The following SEM1 variants were observed in gnomAD, a reference collection of about 807,000 sequenced individuals.
The protein encoded by SEM1 is SEM1 26S proteasome subunit, also known as 26S proteasome complex subunit SEM1.
Under a neutral mutation model 12.7 loss-of-function variants are expected in SEM1, and 3 were observed. The observed-to-expected ratio is 0.24, with a 90% confidence interval of 0.11 to 0.61. SEM1 has a LOEUF of 0.61. SEM1 is among the 20% of genes least tolerant of loss of function. The pLI is 0.88. For missense variants in SEM1, 59 were observed against 81.3 expected, an observed-to-expected ratio of 0.73 and a Z score of 1.06; for synonymous variants, 30 against 27.8, an observed-to-expected ratio of 1.08 and a Z score of -0.25.
chr7:96,611,249 G>C (rs752602475), intron 2 of SEM1, among the ~76,000 whole-genome samples: 1 of 152,062 alleles, frequency 6.6e-6, no homozygotes, highest in African/African-American at 2.4e-5. Flanking sequence ...TGCTTTTCCC[G>C]CATGATGCCC....
chr7:96,607,998 G>A (rs990510861), intron 2 of SEM1, among the ~76,000 whole-genome samples: 1 of 152,202 alleles, frequency 6.6e-6, no homozygotes, highest in African/African-American at 2.4e-5. Flanking sequence ...ATAAGGAGGT[G>A]TACTTATAAA....
exon 4 of SEM1, chr7:96,483,840 C>T: frequency 1.3e-6 from 2 of 1,536,482 alleles, no homozygotes; most frequent in Non-Finnish European, 1.7e-6. Context: ...AGACTTCCAT[C>T]TCTGCTATTG....
intron 1 of SEM1, among the ~76,000 whole-genome samples, chr7:96,489,439 T>C (rs1209379527): frequency 6.6e-6 from 1 of 152,180 alleles, no homozygotes; most frequent in African/African-American, 2.4e-5. Context: ...CTGATGCTAA[T>C]GAAGACTTTG....
At chr7:96,571,463 C>A (rs1806026250) in intron 2 of SEM1, among the ~76,000 whole-genome samples, 1 of 151,740 alleles carries the variant, frequency 6.6e-6, no homozygotes, top group South Asian at 2.1e-4. Flanking sequence ...AATAGGGAAT[C>A]CTTTCCCCAT....
Position 96,606,508 on chromosome 7 carries a change from TG to T in SEM1, c.170+88289del, listed in dbSNP as rs538451511. 2.3e-3 allele frequency among the ~76,000 whole-genome samples: 347 copies of T among 152,228 alleles called. 1 individual carries two copies. Among genetic ancestry groups the T allele is most frequent in the African/African-American group, 8.1e-3 (335 of 41,528 alleles). On this transcript the variant is annotated intron_variant and NMD_transcript_variant, in intron 2 of 3. Coordinates refer to the SEM1 transcript ENST00000466986. ...TATGCCCACCTTTTTGGCAAGAAGA[TG>T]GGCCCACATCCATACACAACAGGCT...
intron 2 of SEM1, among the ~76,000 whole-genome samples, chr7:96,690,089 AC>A (rs67936212): frequency 0.028 from 4,241 of 152,326 alleles, 223 homozygotes; most frequent in African/African-American, 0.096. Context: ...AATGTTTCAT[AC>A]AAAAACTCTT....
chr7:96,553,999 CTGTTGTTG>C (rs1425365254), intron 2 of SEM1, among the ~76,000 whole-genome samples: 1 of 151,612 alleles, frequency 6.6e-6, no homozygotes, highest in East Asian at 1.9e-4. Flanking sequence ...CTCTGTTTGT[CTGTTGTTG>C]GTGTATAAGA....
At chr7:96,485,787 A>G (rs10281460) in intron 2 of SEM1, among the ~76,000 whole-genome samples, 121,021 of 151,832 alleles carry the variant, frequency 0.8, 48,500 homozygotes, top group African/African-American at 0.89. Flanking sequence ...TGATCTGTCC[A>G]CCTCGGCCTT....
At chr7:96,681,759 C>A (rs1789620270) in intron 2 of SEM1, among the ~76,000 whole-genome samples, 1 of 152,086 alleles carries the variant, frequency 6.6e-6, no homozygotes, top group Non-Finnish European at 1.5e-5. Flanking sequence ...TGTTTTGGTA[C>A]CAGTACCATG....
intron 2 of SEM1, among the ~76,000 whole-genome samples, chr7:96,659,056 G>A (rs1036208726): frequency 1.1e-4 from 16 of 152,180 alleles, no homozygotes; most frequent in African/African-American, 3.9e-4. Flanking sequence ...CATACCTGCA[G>A]AGGTGTACTG....
chr7:96,563,470 G>C (rs1202576361), intron 2 of SEM1, among the ~76,000 whole-genome samples: 1 of 152,050 alleles, frequency 6.6e-6, no homozygotes, highest in Non-Finnish European at 1.5e-5. Flanking sequence ...TATAAAATGA[G>C]ACCAGTCAAT....
At chr7:96,572,848 T>G (rs1253068862) in intron 2 of SEM1, among the ~76,000 whole-genome samples, 9 of 152,202 alleles carry the variant, frequency 5.9e-5, no homozygotes, top group Non-Finnish European at 1.3e-4. Context: ...GTTAATTTTC[T>G]GTCTCATTGA....
chr7:96,631,841 C>T (rs1343686666), intron 2 of SEM1, among the ~76,000 whole-genome samples: 1 of 152,050 alleles, frequency 6.6e-6, no homozygotes, highest in African/African-American at 2.4e-5. Flanking sequence ...CTACAAAGAA[C>T]TTAAACAAAT....
rs80008752 is a variant in SEM1 at position 96,681,399 on chromosome 7, T to C, written c.171-7540A>G. Among the ~76,000 whole-genome samples the C allele has an allele frequency of 6.5e-3, 993 of 152,204 alleles. 6 individuals are homozygous for C. The highest frequency in any genetic ancestry group is 0.011 in the South Asian group (53 of 4,830). On this transcript the variant is annotated intron_variant, in intron 2 of 2. Transcript: ENST00000413065. The stretch of plus-strand genomic sequence containing the variant: ...AGTAAATCCTAATAAGCAACAGTGA[T>C]AGTACTAATAATAGTAGTGGGAGTA...
At chr7:96,691,443 G>A (rs993280387) in intron 2 of SEM1, among the ~76,000 whole-genome samples, 1 of 152,224 alleles carries the variant, frequency 6.6e-6, no homozygotes, top group Non-Finnish European at 1.5e-5. Flanking sequence ...GAAAGGCTAA[G>A]TGAGTTGCCC....
chr7:96,570,033 A>T, intron 2 of SEM1, among the ~76,000 whole-genome samples: 1 of 152,024 alleles, frequency 6.6e-6, no homozygotes, highest in East Asian at 1.9e-4. Context: ...CCTTTTGGGT[A>T]TATACCCAGT....
In SEM1 at chr7:96,694,890, G is replaced by C. The variant is rs1440808586; in HGVS notation, c.78C>G (p.Asp26Glu). The change falls in exon 2 of 3, where the codon GAC becomes GAG. Residue 26 changes from aspartate (D) to glutamate (E), a missense_variant and splice_region_variant. Transcript: ENST00000248566. ...DDEFEEFPAE[D>E]WAGLDEDEDA... ...CTTCATCTTCATCTAAGCCAGCCCA[G>C]TCTAAAAATAGAAACAGATGCTGTC... The C allele has an allele frequency of 5.0e-6, 8 of 1,600,544 alleles. No homozygotes were observed. Among genetic ancestry groups the C allele is most frequent in the Non-Finnish European group, 6.8e-6 (8 of 1,169,492 alleles).
chr7:96,483,726 C>T, exon 4 of SEM1: 1 of 1,211,374 alleles, frequency 8.3e-7, no homozygotes, highest in Non-Finnish European at 1.2e-6. Flanking sequence ...CCCAGCCACA[C>T]AGAAAGCTAG....
chr7:96,709,394 G>GGACCAGTTAC (rs1790575955), intron 1 of SEM1, among the ~76,000 whole-genome samples: 1 of 152,190 alleles, frequency 6.6e-6, no homozygotes, highest in Admixed American at 6.5e-5. Flanking sequence ...AGTAACCCAG[G>GGACCAGTTAC]TGAACAGTAA....
Sources: allele counts gnomAD v4.1 joint callset (sites outside exome capture counted in the v4.1 genomes callset), GRCh38; gene constraint gnomAD v4.1.1; transcripts MANE v1.5; gene names NCBI Gene and HGNC (gene_info 2026-07-23, HGNC 2026-07-21).